The following PRDM2 variants were observed in gnomAD, a reference collection of about 807,000 sequenced individuals.
PRDM2 encodes the protein PR domain zinc finger protein 2.
A neutral mutation model predicts 130.0 loss-of-function variants in PRDM2; 30 were observed. The observed-to-expected ratio is 0.23, with a 90% CI of 0.17 to 0.31. PRDM2 has a LOEUF of 0.31. Among genes scored for constraint, PRDM2 ranks in the 10% least tolerant of loss-of-function variants. PRDM2 has a pLI of 1.00. For synonymous variants in PRDM2, 871 were observed against 782.4 expected, an observed-to-expected ratio of 1.11 and a Z score of -1.89; for missense variants, 2,011 against 2,108.4, an observed-to-expected ratio of 0.95 and a Z score of 0.90.
intron 6 of PRDM2, among the ~76,000 whole-genome samples, chr1:13,767,331 G>A (rs1644251260): frequency 6.6e-6 from 1 of 151,000 alleles, no homozygotes; most frequent in Admixed American, 6.6e-5. Flanking sequence ...ACAGTCTGTC[G>A]CCCAGGCTGG....
Position 13,726,610 on chromosome 1 carries a change from A to G in PRDM2, c.10-4390A>G, listed in dbSNP as rs538138134. ...CGGGTAGTGACTTTCTTTGAGTTTG[A>G]GGTAGGAAGTTGGAAACATCGAATT... On this transcript the variant is annotated intron_variant, in intron 2 of 9. Transcript: ENST00000311066. 1.2e-3 allele frequency among the ~76,000 whole-genome samples: 177 copies of G among 152,286 alleles called. 3 individuals carry two copies. The South Asian group carries it at 0.036, about 31-fold the overall frequency.
At position 13,781,351 on chromosome 1, in the gene PRDM2, G is replaced by A. The variant is rs962600463; in HGVS notation, c.3556G>A (p.Gly1186Arg). Residue 1186 changes from glycine (G) to arginine (R), a missense_variant, in exon 8 of 10, where the codon GGA becomes AGA. By Grantham distance (125) the Gly-to-Arg change is moderately radical. Transcript: ENST00000311066. This position sits in a 1 kb window ranked among gnomAD's most constrained non-coding sequence, Gnocchi z 6.1. The part of the protein sequence containing the change: ...DLSEHRFLLH[G>R]VGNIFVCSVC... ...GTCAGAACATCGCTTTTTGCTTCAT[G>A]GAGTTGGGAATATCTTTGTGTGTTC... The A allele has an allele frequency of 6.2e-7, 1 of 1,614,016 alleles. No individual in the cohort carries two copies. The highest frequency in any genetic ancestry group is 8.5e-7 in the Non-Finnish European group (1 of 1,179,974).
At chr1:13,800,234 G>A (rs929494641) in intron 8 of PRDM2, among the ~76,000 whole-genome samples, 5 of 152,196 alleles carry the variant, frequency 3.3e-5, no homozygotes, top group African/African-American at 9.7e-5. Context: ...GTAAATAGAT[G>A]GCATGTCAGA....
rs1402961824 is a variant in PRDM2 at position 13,794,966 on chromosome 1, CCTT to C, written c.5036+12139_5036+12141del. Among the ~76,000 whole-genome samples the C allele has an allele frequency of 2.6e-5, 4 of 152,186 alleles. No homozygotes were observed. In the East Asian group the frequency reaches 7.7e-4, roughly 29 times the overall value. ...GTTCCTCTGTGGACCAGAGCTGCTT[CCTT>C]CTTATAGCAGATGCTCCCACCCATC... On this transcript the variant is annotated intron_variant, in intron 8 of 9. Coordinates refer to ENST00000311066, the MANE Select transcript of PRDM2 (RefSeq NM_001393986.1).
chr1:13,749,509 C>T lies in PRDM2; in HGVS notation c.511+22C>T, dbSNP rs772301096. 6.4e-5 allele frequency: 84 copies of T among 1,309,618 alleles called. No individual in the cohort carries two copies. The Middle Eastern group carries it at 1.2e-3, about 19-fold the overall frequency. The allele number at this position is 1,309,618 out of a possible 1,614,324, so 81.1% of individuals were successfully genotyped here. ...AAAGGTAGGAGCCCCCCGGCCCGCC[C>T]GCCCGGCCCCGGCGCCACGCCCGCC... On this transcript the variant is annotated intron_variant, in intron 6 of 9. Coordinates refer to ENST00000311066, the MANE Select transcript of PRDM2 (RefSeq NM_001393986.1).
At chr1:13,791,626 T>C (rs1279353631) in intron 8 of PRDM2, among the ~76,000 whole-genome samples, 2 of 152,226 alleles carry the variant, frequency 1.3e-5, no homozygotes, top group Admixed American at 1.3e-4. Context: ...GCCGATACCT[T>C]ATTTTTAAAG....
chr1:13,713,775 T>C (rs2100409600), intron 1 of PRDM2, among the ~76,000 whole-genome samples: 1 of 152,254 alleles, frequency 6.6e-6, no homozygotes, highest in East Asian at 1.9e-4. Flanking sequence ...GGCCACCACG[T>C]GGAACTGGAT....
At chr1:13,744,945 C>T (rs1451305491) in intron 5 of PRDM2, among the ~76,000 whole-genome samples, 2 of 152,058 alleles carry the variant, frequency 1.3e-5, no homozygotes, top group Non-Finnish European at 2.9e-5. Context: ...ATTATTATAC[C>T]CAGATAATTG....
chr1:13,779,318 G>T lies in PRDM2; in HGVS notation c.1523G>T (p.Arg508Leu), dbSNP rs761073840. The T allele has an allele frequency of 3.1e-6, 5 of 1,614,094 alleles. No individual in the cohort carries two copies. The highest frequency in any genetic ancestry group is 4.2e-6 in the Non-Finnish European group (5 of 1,179,970). ...CGGCATCAGCGTAGAGTTCACGAAC[G>T]TCATCTGATTCCCAAAGGTGTACGG... Reference protein sequence around the residue: ...MRRHQRRVHERHLIPKGVRRK... With the variant: ...MRRHQRRVHELHLIPKGVRRK... Residue 508 changes from arginine (R) to leucine (L), a missense_variant, in exon 8 of 10, where the codon CGT (arginine) becomes CTT (leucine). Transcript: ENST00000311066. This position sits in a 1 kb window ranked among gnomAD's most constrained non-coding sequence, Gnocchi z 4.9.
intron 4 of PRDM2, among the ~76,000 whole-genome samples, chr1:13,737,258 T>C (rs1408665153): frequency 1.3e-5 from 2 of 152,242 alleles, no homozygotes; most frequent in Non-Finnish European, 2.9e-5. Flanking sequence ...GTTTTTACAT[T>C]TTTAAAGGGT....
intron 6 of PRDM2, among the ~76,000 whole-genome samples, chr1:13,762,773 G>A (rs554021746): frequency 6.6e-6 from 1 of 152,302 alleles, no homozygotes; most frequent in East Asian, 1.9e-4. Context: ...CGCTCCTCAG[G>A]CTTCCCGGCT....
intron 2 of PRDM2, among the ~76,000 whole-genome samples, chr1:13,725,446 C>G (rs1002081928): frequency 2.0e-5 from 3 of 152,190 alleles, no homozygotes; most frequent in Non-Finnish European, 4.4e-5. Context: ...CTCAAGTGAT[C>G]TGCCTGCCTC....
chr1:13,726,901 C>T (rs376342629), intron 2 of PRDM2, among the ~76,000 whole-genome samples: 13 of 152,118 alleles, frequency 8.5e-5, no homozygotes, highest in South Asian at 4.1e-4. Context: ...AAGGACAGGG[C>T]GTACTGGGAG....
chr1:13,776,625 C>A (rs1413970491), intron 7 of PRDM2, among the ~76,000 whole-genome samples: 1 of 152,352 alleles, frequency 6.6e-6, no homozygotes, highest in Non-Finnish European at 1.5e-5. Context: ...CCCCACTACT[C>A]CACTTGCTGT....
At chr1:13,710,277 G>A (rs2495056) in intron 1 of PRDM2, among the ~76,000 whole-genome samples, 2 of 152,134 alleles carry the variant, frequency 1.3e-5, no homozygotes, top group South Asian at 4.1e-4. Flanking sequence ...TCCCACATGT[G>A]TCTAGATTTT....
At chr1:13,816,687 A>T (rs1281482061) in intron 9 of PRDM2, 117 bp downstream of exon 9, 1 of 1,358,988 alleles carries the variant, frequency 7.4e-7, no homozygotes, top group Non-Finnish European at 9.9e-7. Context: ...GCTTGTGTGT[A>T]CCAGGCACGG....
chr1:13,792,632 C>T (rs895582056), intron 8 of PRDM2, among the ~76,000 whole-genome samples: 1 of 152,192 alleles, frequency 6.6e-6, no homozygotes, highest in Non-Finnish European at 1.5e-5. Flanking sequence ...GTCAGCCAGC[C>T]ATTCAGAAAA....
chr1:13,714,083 A>G (rs900253836), intron 1 of PRDM2, among the ~76,000 whole-genome samples: 5 of 152,066 alleles, frequency 3.3e-5, no homozygotes, highest in African/African-American at 1.2e-4. Flanking sequence ...GTTAGCCAGG[A>G]TGGTCTCGAT....
intron 8 of PRDM2, chr1:13,786,529 A>G (rs990913688): frequency 2.5e-6 from 4 of 1,610,254 alleles, no homozygotes; most frequent in African/African-American, 1.3e-5. Context: ...TTCCTGTAGA[A>G]AAGCCCCCAA....
Sources: allele counts gnomAD v4.1 joint callset (sites outside exome capture counted in the v4.1 genomes callset), GRCh38; gene constraint gnomAD v4.1.1; non-coding constraint Gnocchi (gnomAD v3.1); transcripts MANE v1.5; gene names NCBI Gene and HGNC (gene_info 2026-07-23, HGNC 2026-07-21).